Variants in EP400 observed in about 807,000 individuals in gnomAD.
EP400 encodes E1A-binding protein p400.
Under a neutral mutation model 354.1 loss-of-function variants are expected in EP400, and 105 were observed. The observed-to-expected ratio is 0.30, with a 90% CI of 0.25 to 0.35. The LOEUF is 0.35. Among genes scored for constraint, EP400 ranks in the 10% least tolerant of loss-of-function variants. The pLI is 1.00. For synonymous variants in EP400, 1,646 were observed against 1,716.9 expected, an observed-to-expected ratio of 0.96 and a Z score of 1.02; for missense variants, 3,280 against 4,121.0, an observed-to-expected ratio of 0.80 and a Z score of 5.59.
rs1555223321 is a variant in EP400, at chr12:132,062,581, G to GCAA, written c.8216_8217insACA (p.Gln2748dup). The GCAA allele has an allele frequency of 4.4e-6, 7 of 1,607,056 alleles. No homozygotes were observed. Among genetic ancestry groups the GCAA allele is most frequent in the Non-Finnish European group, 6.0e-6 (7 of 1,175,396 alleles). ...AGCAGCAGCAGCAGCAGCAGCAGCAGCAGCAGCAGCAACAGCAGCAGCAGC... is the reference window on the plus strand; with the variant it reads ...AGCAGCAGCAGCAGCAGCAGCAGCAGCAACAGCAGCAGCAACAGCAGCAGCAGC... On this transcript the variant is annotated inframe_insertion, in exon 47 of 53. Coordinates refer to ENST00000389561, the MANE Select transcript of EP400 (RefSeq NM_015409.5).
chr12:132,006,265 C>T lies in EP400; in HGVS notation c.3089C>T (p.Ala1030Val). The T allele has an allele frequency of 6.2e-7, 1 of 1,614,212 alleles. No homozygotes were observed. The highest frequency in any genetic ancestry group is 1.3e-5 in the African/African-American group (1 of 75,054). ...GCGGACGTCACTGCGGTGGCTGAAGCCATCCTGCCGAAGGGCAGTGCTCGG... is the reference window on the plus strand; with the variant it reads ...GCGGACGTCACTGCGGTGGCTGAAGTCATCCTGCCGAAGGGCAGTGCTCGG... ...DIADVTAVAE[A>V]ILPKGSARVT... The change falls in exon 14 of 53, where the codon GCC (alanine) becomes GTC (valine). Residue 1030 changes from alanine to valine, a missense_variant. Ala to Val is a moderately conservative substitution (Grantham distance 64, BLOSUM62 0). This residue lies in a region of EP400 where 800 missense variants were observed against 840.0 expected (regional missense o/e 0.95). Transcript: ENST00000389561.
At chr12:131,966,038 C>CA (rs542519203) in intron 2 of EP400, among the ~76,000 whole-genome samples, 1,113 of 108,668 alleles carry the variant, frequency 0.01, 7 homozygotes, top group South Asian at 0.015. Context: ...TGGCTGATTT[C>CA]AAAAAAAAAA....
rs117663098 is a variant in EP400, at chr12:131,986,598, C to T, written c.2014C>T (p.Pro672Ser). 4 of 1,614,088 alleles carry T rather than the reference C, an allele frequency of 2.5e-6. No individual in the cohort carries two copies. The East Asian group carries it at 8.9e-5, about 36-fold the overall frequency. The change falls in exon 6 of 53, where the codon CCT becomes TCT. Residue 672 changes from proline (P) to serine (S), a missense_variant. Pro to Ser is a moderately conservative substitution (Grantham distance 74). This residue lies in a region of EP400 where 800 missense variants were observed against 840.0 expected (regional missense o/e 0.95). Coordinates refer to ENST00000389561, the MANE Select transcript of EP400 (RefSeq NM_015409.5). ...CACCTCTTCTACCTCGTCCCTCGCG[C>T]CTGTGAGTGGCTCCGGCCCAGGACC... ...LPTSSTSSLA[P>S]VSGSGPGPSP...
rs1039032949 is a variant in EP400 at position 131,949,972 on chromosome 12, G to C, written c.-100G>C. 5.3e-5 allele frequency: 8 copies of C among 151,970 alleles called. No individual in the cohort carries two copies. In the East Asian group the frequency reaches 1.5e-3, roughly 29 times the overall value. 9.4% of individuals were successfully genotyped at this position (151,970 alleles called of 1,614,324 possible). ...GCCGGGGCCCCGGATGCACTGAGCG[G>C]CTGCGGCGCGGCTTCCATCCTCCCG... On this transcript the variant is annotated 5_prime_UTR_variant, in exon 1 of 53. Transcript: ENST00000389561.
chr12:131,954,491 G>A (rs977274704), intron 1 of EP400, among the ~76,000 whole-genome samples: 2 of 152,112 alleles, frequency 1.3e-5, no homozygotes, highest in African/African-American at 2.4e-5. Flanking sequence ...TTGGGAGGTC[G>A]AAACAGGTGG....
At chr12:132,065,204 G>T in intron 48 of EP400, 1 of 444,660 alleles carries the variant, frequency 2.2e-6, no homozygotes, top group Non-Finnish European at 4.1e-6. Flanking sequence ...AGGGACCAAG[G>T]CCTGTGTGGC....
In EP400 at chr12:132,012,998, CTG is replaced by C; in HGVS notation, c.3442-8_3442-7del. 1 of 1,599,508 alleles carries C rather than the reference CTG, an allele frequency of 6.3e-7. No individual in the cohort carries two copies. Among genetic ancestry groups the C allele is most frequent in the Non-Finnish European group, 8.5e-7 (1 of 1,171,328 alleles). ...GTGTGAAGGCACTGAGCTGTCCTCT[CTG>C]TGCTGCAGGAGTGGGCCGAACCCAA... On this transcript the variant is annotated splice_polypyrimidine_tract_variant and intron_variant, in intron 16 of 52. Coordinates refer to ENST00000389561, the MANE Select transcript of EP400 (RefSeq NM_015409.5).
intron 12 of EP400, 123 bp from the exon 13 acceptor site, chr12:132,004,954 A>C: frequency 1.4e-6 from 1 of 736,004 alleles, no homozygotes; most frequent in Admixed American, 2.0e-5. Flanking sequence ...TGGAAAAAGG[A>C]ATACATGTGA....
At chr12:132,053,647 A>G in intron 43 of EP400, 50 bp downstream of exon 43, 2 of 1,449,202 alleles carry the variant, frequency 1.4e-6, no homozygotes, top group Non-Finnish European at 1.8e-6. Context: ...AGTCACCCAC[A>G]CCTGCACTTG....
In EP400 at chr12:132,011,806, A is replaced by G. The variant is rs140283374; in HGVS notation, c.3441+172A>G. Among the ~76,000 whole-genome samples the G allele has an allele frequency of 4.6e-5, 7 of 152,368 alleles. No homozygotes were observed. The South Asian group carries it at 1.0e-3, about 23-fold the overall frequency. ...CCCTCGAAAGCATAGACAATACCGC[A>G]TCGGCCTGGCCATTCCTTGTGAGGA... On this transcript the variant is annotated intron_variant, in intron 16 of 52. Transcript: ENST00000389561.
Position 131,981,550 on chromosome 12 carries a change from G to T in EP400, c.1497G>T (p.Gly499=). The change falls in exon 4 of 53, where the codon GGG becomes GGT. Residue 499 remains glycine, a synonymous_variant. Transcript: ENST00000389561. Reference sequence around the variant, plus strand: ...AAGGGGTAGTTTTCCAGCACCCAGGGGCGGACGCAGGCGTTCCTCTCCAGC... The same window carrying T: ...AAGGGGTAGTTTTCCAGCACCCAGGTGCGGACGCAGGCGTTCCTCTCCAGC... ...GHQGVVFQHP[G]ADAGVPLQQL... is the part of the protein sequence containing the mutation. The T allele has an allele frequency of 6.2e-7, 1 of 1,601,662 alleles. No individual in the cohort carries two copies.
chr12:132,031,000 G>T (rs543316921), intron 29 of EP400, among the ~76,000 whole-genome samples: 1 of 152,184 alleles, frequency 6.6e-6, no homozygotes, highest in Admixed American at 6.5e-5. Flanking sequence ...TCATGTACAC[G>T]CTGGAGAGGC....
At chr12:131,962,795 GTATAC>G (rs1323890479) in intron 2 of EP400, among the ~76,000 whole-genome samples, 1 of 152,182 alleles carries the variant, frequency 6.6e-6, no homozygotes, top group Admixed American at 6.5e-5. Flanking sequence ...GTTGTGTAGT[GTATAC>G]TATGTTGGTG....
chr12:132,055,074 G>T (rs1895437759), intron 44 of EP400, 25 bp from the exon 45 acceptor site: 1 of 1,613,720 alleles, frequency 6.2e-7, no homozygotes, highest in African/African-American at 1.3e-5. Context: ...TGGCGCTGTT[G>T]CCTTATGCCC....
Position 132,077,613 on chromosome 12 carries a change from G to GT in EP400, c.9314dup (p.Leu3105PhefsTer15), listed in dbSNP as rs755000416. On this transcript the variant is annotated frameshift_variant, in exon 53 of 53. Coordinates refer to ENST00000389561, the MANE Select transcript of EP400 (RefSeq NM_015409.5). LOFTEE classifies it high-confidence loss of function. ...CCGACAGCCCAAGCCAGCAGCCCAA[G>GT]TTACAGATGAGGGTCCCTGCTGTCA... 1 of 1,613,950 alleles carries GT rather than the reference G, an allele frequency of 6.2e-7. No individual in the cohort carries two copies. Among genetic ancestry groups the GT allele is most frequent in the Non-Finnish European group, 8.5e-7 (1 of 1,179,968 alleles).
chr12:132,062,448 G>C lies in EP400; in HGVS notation c.8099-18G>C. On this transcript the variant is annotated intron_variant, in intron 46 of 52. Transcript: ENST00000389561. The stretch of plus-strand genomic sequence containing the variant: ...GCGAGTATCCCTGTCCAGACCTAAT[G>C]AGCAAACCTCTTCATAGCCACAGGA... 6.2e-7 allele frequency: 1 copy of C among 1,612,954 alleles called. No individual in the cohort carries two copies.
At chr12:132,023,133 CTTT>C (rs752551086) in intron 23 of EP400, among the ~76,000 whole-genome samples, 4 of 134,008 alleles carry the variant, frequency 3.0e-5, no homozygotes, top group Non-Finnish European at 4.9e-5. Flanking sequence ...TACATTTCTG[CTTT>C]TTTTTTTTTT....
intron 48 of EP400, chr12:132,065,127 G>A (rs528173403): frequency 2.1e-5 from 15 of 718,492 alleles, no homozygotes; most frequent in African/African-American, 1.8e-4. Flanking sequence ...TTGAATTGAG[G>A]GGGGTGGAGA....
intron 24 of EP400, among the ~76,000 whole-genome samples, chr12:132,024,563 T>A (rs1230205388): frequency 6.6e-6 from 1 of 152,204 alleles, no homozygotes; most frequent in Non-Finnish European, 1.5e-5. Flanking sequence ...ATATAGTAAC[T>A]GCTCTTTAAA....
Sources: allele counts gnomAD v4.1 joint callset (sites outside exome capture counted in the v4.1 genomes callset), GRCh38; gene constraint gnomAD v4.1.1; regional missense constraint gnomAD v4.1.1; transcripts MANE v1.5; gene names NCBI Gene and HGNC (gene_info 2026-07-23, HGNC 2026-07-21).